Variants in PTBP3 observed in about 807,000 individuals in gnomAD.
PTBP3 encodes polypyrimidine tract binding protein 3, also known as polypyrimidine tract-binding protein 3.
Under a neutral mutation model 58.7 loss-of-function variants are expected in PTBP3, and 20 were observed. That is an observed-to-expected ratio of 0.34 (90% CI 0.24 to 0.50). The LOEUF (loss-of-function observed/expected upper bound fraction) is 0.50. Ranked by LOEUF, PTBP3 falls within the 20% of genes least tolerant of loss-of-function variation. The probability of loss-of-function intolerance (pLI) is 0.98; values close to 1 mark genes in which losing one functional copy is unlikely to be tolerated. For missense variants in PTBP3, 509 were observed against 637.2 expected (o/e 0.80, Z 2.17); for synonymous variants, 185 against 219.8 (o/e 0.84, Z 1.40).
intron 2 of PTBP3, among the ~76,000 whole-genome samples, chr9:112,293,799 A>AT (rs1828549274): frequency 6.6e-6 from 1 of 152,162 alleles, no homozygotes; most frequent in African/African-American, 2.4e-5. Flanking sequence ...AGAGAGTACT[A>AT]TTTTCTATCT....
At chr9:112,378,567 T>A in the PTBP3 span, among the ~76,000 whole-genome samples, 1 of 152,246 alleles carries the variant, frequency 6.6e-6, no homozygotes, top group African/African-American at 2.4e-5. Flanking sequence ...TCGACAGATA[T>A]ATACACGCTT....
the PTBP3 span, among the ~76,000 whole-genome samples, chr9:112,346,238 G>C: frequency 2.2e-3 from 340 of 151,998 alleles, no homozygotes; most frequent in Middle Eastern, 0.024. Context: ...CGTGATCTCA[G>C]CTTGCTGCAA....
At position 112,220,394 on chromosome 9, in the gene PTBP3, A is replaced by C; in HGVS notation, c.*3457T>G. 8.2e-7 allele frequency: 1 copy of C among 1,216,618 alleles called. No homozygotes were observed. The highest frequency in any genetic ancestry group is 1.0e-6 in the Non-Finnish European group (1 of 956,674). 75.4% of individuals were successfully genotyped at this position (1,216,618 alleles called of 1,614,324 possible). On this transcript the variant is annotated 3_prime_UTR_variant, in exon 14 of 14. Transcript: ENST00000374257. ...GACCCCTAAAAATAAAATAAAGTAA[A>C]ATAAAAAGAAATTGAGCAGAGGCAT...
chr9:112,359,286 A>C, the PTBP3 span, among the ~76,000 whole-genome samples: 8 of 151,640 alleles, frequency 5.3e-5, no homozygotes, highest in African/African-American at 1.9e-4. Flanking sequence ...ACTAAAAAAT[A>C]GAAAAAAAAA....
chr9:112,332,747 G>GC, intron 1 of PTBP3: 1 of 1,608,648 alleles, frequency 6.2e-7, no homozygotes, highest in Non-Finnish European at 8.5e-7. Flanking sequence ...CATTTGAAAT[G>GC]CCCCCGAAAA....
the PTBP3 span, among the ~76,000 whole-genome samples, chr9:112,349,731 C>T: frequency 1.1e-4 from 17 of 151,656 alleles, no homozygotes; most frequent in South Asian, 2.9e-3. Context: ...TGGTGGCAGG[C>T]GGGGCGCCTG....
In PTBP3 at chr9:112,218,583, G is replaced by C. The variant is rs187331813; in HGVS notation, c.*5268C>G. ...AATATACTGTAGTGTACAGAAGCTT[G>C]AATTAACCATGCACTACGCATTTAG... On this transcript the variant is annotated 3_prime_UTR_variant, in exon 14 of 14. Coordinates refer to ENST00000374257, the MANE Select transcript of PTBP3 (RefSeq NM_001163788.4). The C allele has an allele frequency of 7.5e-4, 115 of 152,742 alleles. No individual in the cohort carries two copies. Among genetic ancestry groups the C allele is most frequent in the African/African-American group, 2.6e-3 (109 of 41,570 alleles). The allele number at this position is 152,742 out of a possible 1,614,324, so 9.5% of individuals were successfully genotyped here. A position where few individuals can be genotyped will look rare whatever the true frequency, so the allele number is the denominator to read the frequency against.
At chr9:112,263,212 T>C (rs540826530) in intron 4 of PTBP3, among the ~76,000 whole-genome samples, 2 of 152,262 alleles carry the variant, frequency 1.3e-5, no homozygotes, top group South Asian at 4.1e-4. Flanking sequence ...TGTATCAAAA[T>C]AATAACAACT....
chr9:112,356,581 C>CAAA, the PTBP3 span, among the ~76,000 whole-genome samples: 1,502 of 145,958 alleles, frequency 0.01, 12 homozygotes, highest in African/African-American at 0.025. Context: ...AGCAACAGAG[C>CAAA]AAAAAAAAAA....
chr9:112,319,714 CAT>C (rs1829844309), intron 1 of PTBP3, among the ~76,000 whole-genome samples: 1 of 113,922 alleles, frequency 8.8e-6, no homozygotes, highest in Non-Finnish European at 1.9e-5. Context: ...GTTGAAAAGA[CAT>C]CTGCATTCCC....
At chr9:112,291,315 G>A (rs1255214196) in intron 2 of PTBP3, among the ~76,000 whole-genome samples, 1 of 151,338 alleles carries the variant, frequency 6.6e-6, no homozygotes, top group Non-Finnish European at 1.5e-5. Context: ...TGATCTACAG[G>A]ATCAATGCAA....
At chr9:112,273,456 G>C (rs1482428992) in intron 3 of PTBP3, among the ~76,000 whole-genome samples, 1 of 152,090 alleles carries the variant, frequency 6.6e-6, no homozygotes, top group Non-Finnish European at 1.5e-5. Flanking sequence ...TTCACTGTAT[G>C]GGCATATTTC....
the PTBP3 span, among the ~76,000 whole-genome samples, chr9:112,361,097 T>A: frequency 6.6e-6 from 1 of 152,076 alleles, no homozygotes; most frequent in African/African-American, 2.4e-5. Flanking sequence ...TATTTATTTA[T>A]TTATTTTTTG....
the PTBP3 span, among the ~76,000 whole-genome samples, chr9:112,374,685 G>A: frequency 6.6e-6 from 1 of 152,214 alleles, no homozygotes; most frequent in African/African-American, 2.4e-5. Flanking sequence ...TAGCCATAAA[G>A]TAAGTATCTT....
intron 2 of PTBP3, among the ~76,000 whole-genome samples, chr9:112,288,433 C>T (rs999742693): frequency 6.6e-6 from 1 of 152,214 alleles, no homozygotes; most frequent in African/African-American, 2.4e-5. Flanking sequence ...ACTCTGCTCC[C>T]ATACCTCCCA....
At chr9:112,313,098 T>C (rs7854646) in intron 1 of PTBP3, among the ~76,000 whole-genome samples, 1,895 of 152,204 alleles carry the variant, frequency 0.012, 43 homozygotes, top group African/African-American at 0.043. Context: ...GTACACACTA[T>C]GGTAAGCTAT....
chr9:112,345,344 A>G, the PTBP3 span, among the ~76,000 whole-genome samples: 1 of 48,258 alleles, frequency 2.1e-5, no homozygotes, highest in African/African-American at 1.1e-4. Context: ...TCATCTCTAA[A>G]AAAAAAAAAA....
the PTBP3 span, among the ~76,000 whole-genome samples, chr9:112,354,270 T>C: frequency 2.0e-5 from 3 of 152,356 alleles, no homozygotes; most frequent in Middle Eastern, 6.8e-3. Context: ...GTAAAGCTCT[T>C]GGGTTACCAA....
chr9:112,344,194 T>C, the PTBP3 span, among the ~76,000 whole-genome samples: 2 of 152,226 alleles, frequency 1.3e-5, no homozygotes, highest in African/African-American at 4.8e-5. Flanking sequence ...TCTTGTGCAG[T>C]AAGACAAGAA....
Sources: gnomAD v4.1 joint callset for allele counts (sites outside exome capture counted in the v4.1 genomes callset) on GRCh38, gnomAD v4.1.1 for gene constraint, MANE v1.5 for transcripts, NCBI Gene and HGNC (gene_info 2026-07-23, HGNC 2026-07-21) for gene names.